IGF2BP3: variants seen among roughly 807,000 people sequenced by gnomAD.
IGF2BP3 encodes the protein insulin-like growth factor 2 mRNA-binding protein 3.
IGF2BP3 carries 9 observed loss-of-function variants against 73.8 expected under a neutral mutation model. The observed-to-expected ratio is 0.12, with a 90% CI of 0.07 to 0.21. IGF2BP3 has a LOEUF of 0.21. IGF2BP3 is among the 10% of genes least tolerant of loss of function. The pLI, the probability that IGF2BP3 is intolerant of heterozygous loss-of-function variation, is 1.00. For missense variants in IGF2BP3, 542 were observed against 714.0 expected (o/e 0.76, Z 2.75); for synonymous variants, 258 against 256.7 (o/e 1.01, Z -0.05).
rs191386629 is a variant in IGF2BP3, at chr7:23,310,972, A to G, written c.*1390T>C. On this transcript the variant is annotated 3_prime_UTR_variant, in exon 15 of 15. Transcript: ENST00000258729. ...GGAGTGAGCAAATGAGTTCGTTATC[A>G]AAGGTCATATGTTTTCACAGTCATT... is the stretch of plus-strand genomic sequence containing the variant. 3.3e-5 allele frequency: 5 copies of G among 152,280 alleles called. No homozygotes were observed. Among genetic ancestry groups the G allele is most frequent in the African/African-American group, 1.2e-4 (5 of 41,580 alleles). The allele number at this position is 152,280 out of a possible 1,614,324, so 9.4% of individuals were successfully genotyped here.
intron 2 of IGF2BP3, among the ~76,000 whole-genome samples, chr7:23,452,039 C>T (rs1788211867): frequency 6.7e-6 from 1 of 149,684 alleles, no homozygotes; most frequent in Non-Finnish European, 1.5e-5. Context: ...GAGTCTCCCG[C>T]TGTCACCAAG....
chr7:23,400,863 G>C (rs373153665), intron 3 of IGF2BP3, among the ~76,000 whole-genome samples: 2 of 152,340 alleles, frequency 1.3e-5, no homozygotes, highest in East Asian at 3.9e-4. Flanking sequence ...GCAGAGGCAC[G>C]ATCTTGGCCC....
At chr7:23,314,947 C>T (rs376125999) in intron 12 of IGF2BP3, among the ~76,000 whole-genome samples, 1 of 151,066 alleles carries the variant, frequency 6.6e-6, no homozygotes, top group African/African-American at 2.4e-5. Flanking sequence ...TACAGGTGCC[C>T]GCCACCACAC....
At chr7:23,449,322 C>T (rs1408883737) in intron 2 of IGF2BP3, among the ~76,000 whole-genome samples, 2 of 151,824 alleles carry the variant, frequency 1.3e-5, no homozygotes, top group East Asian at 4.0e-4. Context: ...TCGCGACCAT[C>T]CTGGCTAACA....
intron 2 of IGF2BP3, among the ~76,000 whole-genome samples, chr7:23,464,801 T>A: frequency 6.6e-6 from 1 of 151,976 alleles, no homozygotes. Context: ...AACTATAATA[T>A]CCTATTATTT....
rs561490828 is a variant in IGF2BP3 at position 23,378,220 on chromosome 7, C to T, written c.286-16479G>A. 5.3e-5 allele frequency among the ~76,000 whole-genome samples: 8 copies of T among 152,142 alleles called. No homozygotes were observed. The South Asian group carries it at 8.3e-4, about 16-fold the overall frequency. On this transcript the variant is annotated intron_variant, in intron 3 of 14. Coordinates refer to ENST00000258729, the MANE Select transcript of IGF2BP3 (RefSeq NM_006547.3). ...AATCATTAAACTGAACTATTAGTCA[C>T]GGAATAATGTTGCCATTGGGAGAAA...
At chr7:23,367,654 G>T (rs765273602) in intron 3 of IGF2BP3, among the ~76,000 whole-genome samples, 4 of 151,854 alleles carry the variant, frequency 2.6e-5, no homozygotes, top group Non-Finnish European at 5.9e-5. Context: ...GAATTCCCCC[G>T]TTATGTATTT....
chr7:23,435,110 T>C (rs1297069871), intron 2 of IGF2BP3, among the ~76,000 whole-genome samples: 3 of 151,672 alleles, frequency 2.0e-5, no homozygotes, highest in African/African-American at 7.3e-5. Context: ...CTGGCTAACA[T>C]GGTGAAACCC....
intron 2 of IGF2BP3, among the ~76,000 whole-genome samples, chr7:23,438,238 G>A (rs1213471707): frequency 6.6e-6 from 1 of 152,154 alleles, no homozygotes; most frequent in Non-Finnish European, 1.5e-5. Context: ...TCCTGTCTCA[G>A]TCTCCCAAGA....
At chr7:23,409,165 C>T (rs757791133) in intron 3 of IGF2BP3, among the ~76,000 whole-genome samples, 41 of 152,182 alleles carry the variant, frequency 2.7e-4, no homozygotes, top group Non-Finnish European at 4.9e-4. Flanking sequence ...GCTCACTTGC[C>T]ACTCACCTCC....
intron 2 of IGF2BP3, among the ~76,000 whole-genome samples, chr7:23,444,995 C>T: frequency 6.6e-6 from 1 of 152,070 alleles, no homozygotes; most frequent in Admixed American, 6.6e-5. Flanking sequence ...AATTTAGAGG[C>T]TGCACTGAGC....
intron 2 of IGF2BP3, among the ~76,000 whole-genome samples, chr7:23,440,063 A>G (rs527359343): frequency 6.6e-6 from 1 of 152,230 alleles, no homozygotes; most frequent in Non-Finnish European, 1.5e-5. Flanking sequence ...GGAGATCGAG[A>G]CCATCCTGGC....
chr7:23,345,612 G>A (rs1784810478), intron 8 of IGF2BP3, among the ~76,000 whole-genome samples: 1 of 152,240 alleles, frequency 6.6e-6, no homozygotes, highest in Non-Finnish European at 1.5e-5. Context: ...GTGTTAAGCT[G>A]TCAAATGTTG....
At chr7:23,322,969 G>T (rs1562671261) in intron 10 of IGF2BP3, among the ~76,000 whole-genome samples, 1 of 152,164 alleles carries the variant, frequency 6.6e-6, no homozygotes, top group Admixed American at 6.5e-5. Context: ...GCAAAATCAT[G>T]CCAAAACGTA....
chr7:23,364,598 C>G, intron 3 of IGF2BP3, among the ~76,000 whole-genome samples: 6 of 136,788 alleles, frequency 4.4e-5, no homozygotes, highest in African/African-American at 1.7e-4. Flanking sequence ...TGGGGGGTGG[C>G]GGTGCAGTGG....
intron 10 of IGF2BP3, among the ~76,000 whole-genome samples, chr7:23,341,065 G>A (rs1035673208): frequency 2.0e-5 from 3 of 151,934 alleles, no homozygotes; most frequent in Non-Finnish European, 4.4e-5. Flanking sequence ...GGCCAGGCTG[G>A]TCTTGAACTC....
chr7:23,341,516 A>G (rs1046623229), intron 10 of IGF2BP3, among the ~76,000 whole-genome samples: 1 of 152,136 alleles, frequency 6.6e-6, no homozygotes, highest in Non-Finnish European at 1.5e-5. Context: ...AAATACAAAA[A>G]AAGTAGCCGG....
intron 3 of IGF2BP3, among the ~76,000 whole-genome samples, chr7:23,385,730 T>A (rs992866899): frequency 6.6e-6 from 1 of 150,448 alleles, no homozygotes; most frequent in African/African-American, 2.5e-5. Context: ...TTTTTATTTT[T>A]TTATTATTTT....
intron 10 of IGF2BP3, among the ~76,000 whole-genome samples, chr7:23,324,056 G>A (rs1415943761): frequency 6.6e-6 from 1 of 151,988 alleles, no homozygotes; most frequent in African/African-American, 2.4e-5. Flanking sequence ...CAGAAGGCAA[G>A]AAATAACTAA....
Sources: gnomAD v4.1 joint callset for allele counts (sites outside exome capture counted in the v4.1 genomes callset) on GRCh38, gnomAD v4.1.1 for gene constraint, MANE v1.5 for transcripts, NCBI Gene and HGNC (gene_info 2026-07-23, HGNC 2026-07-21) for gene names.